Variants in ADGRL3 observed in about 807,000 individuals in gnomAD.
ADGRL3 encodes the protein adhesion G protein-coupled receptor L3.
A neutral mutation model predicts 153.5 loss-of-function variants in ADGRL3; 62 were observed. The observed-to-expected ratio is 0.40, with a 90% CI of 0.33 to 0.50. ADGRL3 has a LOEUF of 0.50. ADGRL3 is among the 20% of genes least tolerant of loss of function. ADGRL3 has a pLI of 0.47. For missense variants in ADGRL3, 1,641 were observed against 1,859.4 expected (o/e 0.88, Z 2.16); for synonymous variants, 710 against 672.5 (o/e 1.06, Z -0.86).
intron 25 of ADGRL3, among the ~76,000 whole-genome samples, chr4:62,053,894 T>C (rs1582080556): frequency 6.6e-6 from 1 of 151,704 alleles, no homozygotes; most frequent in Non-Finnish European, 1.5e-5. Context: ...CTAAATGTCA[T>C]ATTTTTTTCA....
intron 8 of ADGRL3, among the ~76,000 whole-genome samples, chr4:61,781,813 G>A (rs2097217148): frequency 6.6e-6 from 1 of 152,108 alleles, no homozygotes; most frequent in Admixed American, 6.5e-5. Context: ...TCCGTTTCTT[G>A]TTTCACTAAT....
intron 2 of ADGRL3, among the ~76,000 whole-genome samples, chr4:61,485,466 T>C (rs1368190950): frequency 1.3e-5 from 2 of 152,202 alleles, no homozygotes; most frequent in Non-Finnish European, 2.9e-5. Context: ...TGAAAAAATA[T>C]TGAAATTTTT....
intron 19 of ADGRL3, 41 bp downstream of exon 19, chr4:61,983,644 TA>T: frequency 1.3e-6 from 2 of 1,576,016 alleles, no homozygotes; most frequent in Non-Finnish European, 1.7e-6. Context: ...CTAGGTGAAA[TA>T]AAAGTGTTGG....
At chr4:61,671,499 T>C (rs912392096) in intron 5 of ADGRL3, among the ~76,000 whole-genome samples, 1 of 152,166 alleles carries the variant, frequency 6.6e-6, no homozygotes, top group Non-Finnish European at 1.5e-5. Context: ...TACATGTAAA[T>C]CGGAGGTTTA....
intron 6 of ADGRL3, among the ~76,000 whole-genome samples, chr4:61,716,027 C>T (rs1464739773): frequency 6.7e-6 from 1 of 150,204 alleles, no homozygotes; most frequent in African/African-American, 2.4e-5. Flanking sequence ...TTCTTTATTC[C>T]TCAATTACCA....
intron 1 of ADGRL3, among the ~76,000 whole-genome samples, chr4:61,292,827 TTGCA>T (rs1214637404): frequency 1.3e-5 from 2 of 152,144 alleles, no homozygotes. Context: ...CCCCTTCAGA[TTGCA>T]CCACTGGGAA....
At chr4:61,674,224 A>T (rs547508158) in intron 5 of ADGRL3, among the ~76,000 whole-genome samples, 1 of 151,590 alleles carries the variant, frequency 6.6e-6, no homozygotes, top group East Asian at 1.9e-4. Flanking sequence ...ATGTTTTCTA[A>T]TCTAATCTAT....
intron 2 of ADGRL3, among the ~76,000 whole-genome samples, chr4:61,409,664 C>A (rs6818561): frequency 0.031 from 4,617 of 151,270 alleles, 219 homozygotes; most frequent in East Asian, 0.21. Flanking sequence ...TCTGTTTTAG[C>A]AATATTTTTA....
intron 2 of ADGRL3, among the ~76,000 whole-genome samples, chr4:61,423,554 A>T (rs923023502): frequency 1.3e-5 from 2 of 152,326 alleles, no homozygotes; most frequent in East Asian, 3.9e-4. Context: ...CCATGAACAT[A>T]GTTTGATCTG....
Position 62,070,298 on chromosome 4 carries a change from A to G in ADGRL3, c.4022A>G (p.Tyr1341Cys), listed in dbSNP as rs754776775. 8.9e-6 allele frequency: 14 copies of G among 1,567,976 alleles called. No homozygotes were observed. The highest frequency in any genetic ancestry group is 1.2e-5 in the South Asian group (1 of 86,348). ...KKILKELTSNYIPSYLNNHER... is the reference protein window; with the variant it reads ...KKILKELTSNCIPSYLNNHER... ...ATTCTGAAGGAACTCACTTCCAACT[A>G]TATCCCTTCTTACCTGAACAACCAT... The change falls in exon 27 of 27, where the codon TAT (tyrosine) becomes TGT (cysteine). Residue 1341 changes from tyrosine to cysteine, a missense_variant. Around this residue, in one of 5 missense-constraint regions of ADGRL3, gnomAD observed 517 missense variants for 555.0 expected, o/e 0.93. Coordinates refer to ENST00000683033, the MANE Select transcript of ADGRL3 (RefSeq NM_001387552.1).
intron 9 of ADGRL3, among the ~76,000 whole-genome samples, chr4:61,855,615 A>G (rs562860623): frequency 6.6e-6 from 1 of 152,288 alleles, no homozygotes; most frequent in East Asian, 1.9e-4. Flanking sequence ...GTTCTTTCTG[A>G]TATCAGCATG....
In ADGRL3 at chr4:62,074,674, C is replaced by T. The variant is rs1294928544; in HGVS notation, c.*3766C>T. ...TCAGGAAAATATCTAACAAAAAGCA[C>T]GTAAGGGAAATATCCTTAACTTCCT... On this transcript the variant is annotated 3_prime_UTR_variant, in exon 27 of 27. Coordinates refer to ENST00000683033, the MANE Select transcript of ADGRL3 (RefSeq NM_001387552.1). The T allele has an allele frequency of 6.6e-6, 1 of 152,008 alleles. No individual in the cohort carries two copies. The highest frequency in any genetic ancestry group is 1.5e-5 in the Non-Finnish European group (1 of 68,004). 9.4% of individuals were successfully genotyped at this position (152,008 alleles called of 1,614,324 possible). A position where few individuals can be genotyped will look rare whatever the true frequency, so the allele number is the denominator to read the frequency against.
chr4:61,583,537 AT>A (rs2098934508), intron 4 of ADGRL3: 1 of 350,640 alleles, frequency 2.9e-6, no homozygotes, highest in Non-Finnish European at 5.8e-6. Flanking sequence ...ATTATTTGAT[AT>A]TTATATTTTA....
At chr4:61,823,782 C>T (rs568141632) in intron 9 of ADGRL3, among the ~76,000 whole-genome samples, 2 of 152,296 alleles carry the variant, frequency 1.3e-5, no homozygotes, top group East Asian at 1.9e-4. Flanking sequence ...AATCCATAGG[C>T]TGGGCATGGT....
intron 17 of ADGRL3, among the ~76,000 whole-genome samples, chr4:61,958,022 C>T (rs2098973988): frequency 1.3e-5 from 2 of 152,134 alleles, no homozygotes. Context: ...AGATTTGGAG[C>T]TGTGCTTGTC....
chr4:61,639,938 A>C (rs1322137279), intron 5 of ADGRL3, among the ~76,000 whole-genome samples: 3 of 152,156 alleles, frequency 2.0e-5, no homozygotes, highest in African/African-American at 4.8e-5. Flanking sequence ...CATAGAGGCT[A>C]ACTAGCACCC....
At chr4:61,262,241 A>G (rs937511869) in intron 1 of ADGRL3, among the ~76,000 whole-genome samples, 2 of 152,208 alleles carry the variant, frequency 1.3e-5, no homozygotes. Context: ...TCTTTTTATT[A>G]TGTATCATAT....
chr4:61,322,131 G>A (rs112312701), intron 1 of ADGRL3, among the ~76,000 whole-genome samples: 18,422 of 150,842 alleles, frequency 0.12, 1,355 homozygotes, highest in South Asian at 0.27. Flanking sequence ...ATAACAGCAG[G>A]CAAAGAGAGA....
At chr4:61,616,849 C>A (rs1447061396) in intron 5 of ADGRL3, among the ~76,000 whole-genome samples, 2 of 151,778 alleles carry the variant, frequency 1.3e-5, no homozygotes, top group Non-Finnish European at 2.9e-5. Context: ...GAAGTGGGGT[C>A]TTGTTATGTT....
Sources: allele counts gnomAD v4.1 joint callset (sites outside exome capture counted in the v4.1 genomes callset), GRCh38; gene constraint gnomAD v4.1.1; regional missense constraint gnomAD v4.1.1; transcripts MANE v1.5; gene names NCBI Gene and HGNC (gene_info 2026-07-23, HGNC 2026-07-21).